Variants in ERCC5 observed in about 807,000 individuals in gnomAD.
ERCC5 encodes DNA excision repair protein ERCC-5.
Under a neutral mutation model 105.6 loss-of-function variants are expected in ERCC5, and 68 were observed. The observed-to-expected ratio is 0.64, with a 90% confidence interval of 0.53 to 0.79. The LOEUF (loss-of-function observed/expected upper bound fraction) is 0.79, where lower values mean the gene tolerates loss of function less well. Ranked by LOEUF, ERCC5 falls within the 30% of genes least tolerant of loss-of-function variation. The pLI is 0.00. For synonymous variants in ERCC5, 546 were observed against 526.2 expected, an observed-to-expected ratio of 1.04 and a Z score of -0.51; for missense variants, 1,373 against 1,426.7, an observed-to-expected ratio of 0.96 and a Z score of 0.61.
chr13:102,861,398 G>A (rs1882612980), intron 6 of ERCC5, 109 bp from the exon 7 acceptor site: 4 of 1,230,248 alleles, frequency 3.3e-6, no homozygotes, highest in Non-Finnish European at 4.6e-6. Context: ...TACCATCAAT[G>A]AAAAAAGCCA....
chr13:102,854,190 T>C (rs1882313943), intron 3 of ERCC5, 98 bp from the exon 4 acceptor site: 10 of 1,291,950 alleles, frequency 7.7e-6, no homozygotes, highest in Non-Finnish European at 1.1e-6. Flanking sequence ...CTGCATTTAT[T>C]TTCCACAGCA....
In ERCC5 at chr13:102,852,092, GT is replaced by G. The variant is rs773510187; in HGVS notation, c.89-20del. On this transcript the variant is annotated intron_variant, in intron 1 of 14. Coordinates refer to ENST00000652225, the MANE Select transcript of ERCC5 (RefSeq NM_000123.4). ...TGAGGATGAAGAGAAAAATCCCGGAGTTTTTTCCATTAACAATTCTCCCAGA... is the reference window on the plus strand; with the variant it reads ...TGAGGATGAAGAGAAAAATCCCGGAGTTTTTCCATTAACAATTCTCCCAGA... 2.5e-6 allele frequency: 4 copies of G among 1,613,490 alleles called. No homozygotes were observed. In the South Asian group the frequency reaches 3.3e-5, roughly 13 times the overall value.
In ERCC5 at chr13:102,866,777, A is replaced by G. The variant is rs893126611; in HGVS notation, c.2465A>G (p.Tyr822Cys). 10 of 1,614,142 alleles carry G rather than the reference A, an allele frequency of 6.2e-6. No homozygotes were observed. Among genetic ancestry groups the G allele is most frequent in the African/African-American group, 4.0e-5 (3 of 74,956 alleles). The part of the protein sequence containing the change: ...DIWLFGARHV[Y>C]RNFFNKNKFV... ...TGGCTGTTTGGAGCGCGGCATGTCT[A>G]TAGAAACTTTTTTAATAAAAACAAG... The change falls in exon 11 of 15, where the codon TAT (tyrosine) becomes TGT (cysteine). Residue 822 changes from tyrosine to cysteine, a missense_variant. Tyr to Cys is a radical substitution (Grantham distance 194). Coordinates refer to ENST00000652225, the MANE Select transcript of ERCC5 (RefSeq NM_000123.4).
chr13:102,861,869 A>G (rs990537148), intron 7 of ERCC5, among the ~76,000 whole-genome samples, 155 bp downstream of exon 7: 3 of 152,260 alleles, frequency 2.0e-5, no homozygotes, highest in Non-Finnish European at 1.5e-5. Context: ...CTATAGTGCC[A>G]AACCACTTTA....
In ERCC5 at chr13:102,846,309, C is replaced by T. The variant is rs2140511578; in HGVS notation, c.43C>T (p.Arg15Trp). ...GLWKLLECSG[R>W]QVSPEALEGK... Reference sequence around the variant, plus strand: ...CTGGAAGCTGCTGGAGTGCTCCGGGCGGCAGGTCAGCCCCGAAGCGCTGGA... The same window carrying T: ...CTGGAAGCTGCTGGAGTGCTCCGGGTGGCAGGTCAGCCCCGAAGCGCTGGA... Residue 15 changes from arginine (R) to tryptophan (W), a missense_variant, in exon 1 of 15, where the codon CGG becomes TGG. Transcript: ENST00000652225. 1.2e-6 allele frequency: 2 copies of T among 1,613,962 alleles called. No individual in the cohort carries two copies. The highest frequency in any genetic ancestry group is 1.7e-6 in the Non-Finnish European group (2 of 1,179,982).
At chr13:102,866,937 A>G (rs975363132) in intron 11 of ERCC5, 92 bp downstream of exon 11, 1 of 1,395,086 alleles carries the variant, frequency 7.2e-7, no homozygotes, top group East Asian at 2.5e-5. Flanking sequence ...AGTTTGATGC[A>G]TTGATGGAAA....
intron 13 of ERCC5, among the ~76,000 whole-genome samples, chr13:102,872,999 T>C (rs772775931): frequency 7.2e-5 from 11 of 152,258 alleles, no homozygotes; most frequent in Non-Finnish European, 1.3e-4. Flanking sequence ...GTTAACCTTT[T>C]TTCATAGTCA....
intron 13 of ERCC5, among the ~76,000 whole-genome samples, chr13:102,872,944 C>T (rs1424537680): frequency 6.6e-6 from 1 of 152,206 alleles, no homozygotes; most frequent in East Asian, 1.9e-4. Context: ...TTGATTTTTT[C>T]TCTTAATGAA....
chr13:102,875,494 C>T lies in ERCC5; in HGVS notation c.3152C>T (p.Ala1051Val). 6.2e-7 allele frequency: 1 copy of T among 1,613,946 alleles called. No individual in the cohort carries two copies. Among genetic ancestry groups the T allele is most frequent in the Non-Finnish European group, 8.5e-7 (1 of 1,179,948 alleles). The part of the protein sequence containing the change: ...MEKEFELLDK[A>V]KGKTQKRGIT... ...AAAGAATTTGAGCTACTTGATAAGG[C>T]AAAAGGAAAAACCCAGAAGAGAGGC... is the stretch of plus-strand genomic sequence containing the variant. The change falls in exon 15 of 15, where the codon GCA (alanine) becomes GTA (valine). Residue 1051 changes from alanine to valine, a missense_variant. By Grantham distance (64) the Ala-to-Val change is moderately conservative (BLOSUM62 0). Transcript: ENST00000652225.
intron 6 of ERCC5, chr13:102,858,823 T>C (rs1335475186): frequency 2.2e-6 from 1 of 445,264 alleles, no homozygotes; most frequent in Non-Finnish European, 4.5e-6. Flanking sequence ...AAAGTTATTG[T>C]AACCTATAAT....
At position 102,849,693 on chromosome 13, in the gene ERCC5, G is replaced by C. The variant is rs149435202; in HGVS notation, c.89-2425G>C. On this transcript the variant is annotated intron_variant, in intron 1 of 14. Coordinates refer to ENST00000652225, the MANE Select transcript of ERCC5 (RefSeq NM_000123.4). ...TATAAGAGTCCCTGTGAAAGGGAGT[G>C]CAGTGCACAAATTGCCCGGGCAAGC... 6.0e-4 allele frequency among the ~76,000 whole-genome samples: 92 copies of C among 152,286 alleles called. 1 individual carries two copies. In the East Asian group the frequency reaches 0.014, roughly 23 times the overall value.
Position 102,875,591 on chromosome 13 carries a change from A to T in ERCC5, c.3249A>T (p.Thr1083=). 2 of 1,613,644 alleles carry T rather than the reference A, an allele frequency of 1.2e-6. No individual in the cohort carries two copies. Among genetic ancestry groups the T allele is most frequent in the Non-Finnish European group, 1.7e-6 (2 of 1,179,782 alleles). Residue 1083 remains threonine (T), a synonymous_variant, in exon 15 of 15, where the codon ACA becomes ACT. Coordinates refer to ENST00000652225, the MANE Select transcript of ERCC5 (RefSeq NM_000123.4). ...KRLSDSKGKN[T]CGGFLGETCL... ...TTTCAGATTCTAAAGGAAAGAATACATGCGGTGGATTTTTGGGGGAGACCT... is the reference window on the plus strand; with the variant it reads ...TTTCAGATTCTAAAGGAAAGAATACTTGCGGTGGATTTTTGGGGGAGACCT...
At chr13:102,860,530 A>G (rs1409433332) in intron 6 of ERCC5, among the ~76,000 whole-genome samples, 2 of 152,202 alleles carry the variant, frequency 1.3e-5, no homozygotes, top group Admixed American at 6.5e-5. Flanking sequence ...GTCTTGGAAC[A>G]TACCCCAAGG....
chr13:102,862,601 A>G lies in ERCC5; in HGVS notation c.1452A>G (p.Glu484=), dbSNP rs1224141644. Residue 484 remains glutamate (E), a synonymous_variant, in exon 8 of 15, where the codon GAA becomes GAG. Transcript: ENST00000652225. ...TGTCACTTGTTCACGTGGGGACTGA[A>G]GCCTTTCCGATAAGTGATGAGTCTA... ...EQMSLVHVGT[E]AFPISDESMI... 2 of 1,614,160 alleles carry G rather than the reference A, an allele frequency of 1.2e-6. No individual in the cohort carries two copies. The highest frequency in any genetic ancestry group is 4.5e-5 in the East Asian group (2 of 44,880).
intron 2 of ERCC5, among the ~76,000 whole-genome samples, chr13:102,852,910 C>A (rs1185053244): frequency 6.6e-6 from 1 of 152,004 alleles, no homozygotes; most frequent in African/African-American, 2.4e-5. Flanking sequence ...AGGGAGACCC[C>A]ATCTCTAAAA....
chr13:102,855,918 G>C, intron 4 of ERCC5, 134 bp from the exon 5 acceptor site: 1 of 840,190 alleles, frequency 1.2e-6, no homozygotes, highest in Non-Finnish European at 2.0e-6. Context: ...CAGACCATGA[G>C]ACCAGTAGTG....
intron 12 of ERCC5, among the ~76,000 whole-genome samples, chr13:102,871,972 C>G (rs1883048380): frequency 6.6e-6 from 1 of 152,128 alleles, no homozygotes; most frequent in Non-Finnish European, 1.5e-5. Context: ...GATGATTGGG[C>G]ATGTGAAATA....
chr13:102,858,170 T>C, intron 5 of ERCC5, 105 bp from the exon 6 acceptor site: 4 of 1,505,560 alleles, frequency 2.7e-6, no homozygotes, highest in Non-Finnish European at 3.6e-6. Flanking sequence ...TTGTTGATTA[T>C]GTAGAACTGT....
chr13:102,854,828 G>C (rs1400457935), intron 4 of ERCC5, among the ~76,000 whole-genome samples: 1 of 152,046 alleles, frequency 6.6e-6, no homozygotes, highest in Non-Finnish European at 1.5e-5. Context: ...ACACTGCCCC[G>C]CTCCCCCGGC....
Sources: gnomAD v4.1 joint callset for allele counts (sites outside exome capture counted in the v4.1 genomes callset) on GRCh38, gnomAD v4.1.1 for gene constraint, MANE v1.5 for transcripts, NCBI Gene and HGNC (gene_info 2026-07-23, HGNC 2026-07-21) for gene names.